The following PDE5A variants were observed in gnomAD, a reference collection of about 807,000 sequenced individuals.
PDE5A encodes the protein phosphodiesterase 5A, also known as cGMP-specific 3',5'-cyclic phosphodiesterase.
Under a neutral mutation model 110.2 loss-of-function variants are expected in PDE5A, and 67 were observed. The ratio of observed to expected loss-of-function variants is 0.61; its 90% CI spans 0.50 to 0.75. The LOEUF is 0.75. PDE5A is among the 30% of genes least tolerant of loss of function. The pLI is 0.00. For synonymous variants in PDE5A, 328 were observed against 351.2 expected (o/e 0.93, Z 0.74); for missense variants, 862 against 1,045.1 (o/e 0.82, Z 2.42).
rs1333516835 is a variant in PDE5A at position 119,519,094 on chromosome 4, G to A, written c.1951C>T (p.Leu651=). The A allele has an allele frequency of 1.2e-6, 2 of 1,613,770 alleles. No homozygotes were observed. The highest frequency in any genetic ancestry group is 2.2e-5 in the East Asian group (1 of 44,866). ...LEILALLIAA[L]SHDLDHRGVN... is the part of the protein sequence containing the mutation. ...CCACGGTGATCCAAATCGTGGCTTA[G>A]TGCAGCAATCAGCAATGCAAGTATC... The change falls in exon 14 of 21, where the codon CTA becomes TTA. Residue 651 remains leucine, a synonymous_variant. Transcript: ENST00000354960.
At chr4:119,579,495 A>T (rs1305653314) in intron 3 of PDE5A, among the ~76,000 whole-genome samples, 1 of 151,974 alleles carries the variant, frequency 6.6e-6, no homozygotes, top group African/African-American at 2.4e-5. Flanking sequence ...TACACCATGG[A>T]ATACTATGCA....
At chr4:119,543,580 G>A (rs1441994714) in intron 9 of PDE5A, among the ~76,000 whole-genome samples, 1 of 152,156 alleles carries the variant, frequency 6.6e-6, no homozygotes, top group Admixed American at 6.5e-5. Flanking sequence ...ATCTCAGAAA[G>A]TTACATCATT....
At position 119,498,453 on chromosome 4, in the gene PDE5A, A is replaced by G; in HGVS notation, c.*148T>C. The G allele has an allele frequency of 1.3e-6, 1 of 759,138 alleles. No individual in the cohort carries two copies. The highest frequency in any genetic ancestry group is 2.1e-6 in the Non-Finnish European group (1 of 473,874). 47.0% of individuals were successfully genotyped at this position (759,138 alleles called of 1,614,324 possible). On this transcript the variant is annotated 3_prime_UTR_variant, in exon 21 of 21. Coordinates refer to ENST00000354960, the MANE Select transcript of PDE5A (RefSeq NM_001083.4). ...ATAGTCCTCTAAAAACATTCATGCT[A>G]TACTCTCAAAAGTTGTGCAAAAATA...
chr4:119,627,234 T>C lies in PDE5A; in HGVS notation c.152+1286A>G, dbSNP rs939853234. The C allele has an allele frequency of 4.4e-6, 7 of 1,608,116 alleles. No homozygotes were observed. The highest frequency in any genetic ancestry group is 4.0e-5 in the African/African-American group (3 of 74,712). ...CGATCCTGGACTCCAGGAGGCTCCG[T>C]AGGGGCAACAACGCGCGCAGGTGAG... On this transcript the variant is annotated intron_variant, in intron 1 of 20. Transcript: ENST00000354960. This position sits in a 1 kb window ranked among gnomAD's most constrained non-coding sequence, Gnocchi z 4.6.
intron 3 of PDE5A, among the ~76,000 whole-genome samples, chr4:119,581,818 A>T (rs1338282897): frequency 6.6e-6 from 1 of 152,270 alleles, no homozygotes; most frequent in Non-Finnish European, 1.5e-5. Context: ...TTTAGACTAT[A>T]CTGTAATTTC....
chr4:119,579,031 T>C lies in PDE5A; in HGVS notation c.832-11887A>G, dbSNP rs888799550. 4.0e-3 allele frequency among the ~76,000 whole-genome samples: 609 copies of C among 152,008 alleles called. 12 individuals carry two copies. The East Asian group carries it at 0.046, about 12-fold the overall frequency. On this transcript the variant is annotated intron_variant, in intron 3 of 20. Transcript: ENST00000354960. ...ACCCCATCAAAAAGTGGGTGAAGGA[T>C]ATGAACAGACACTTCTCAAAAGAAG... is the stretch of plus-strand genomic sequence containing the variant.
At chr4:119,617,632 T>C (rs1383648251) in intron 1 of PDE5A, among the ~76,000 whole-genome samples, 3 of 152,130 alleles carry the variant, frequency 2.0e-5, no homozygotes, top group African/African-American at 4.8e-5. Flanking sequence ...CAAAGTAAAC[T>C]TTTGATATAA....
At position 119,498,500 on chromosome 4, in the gene PDE5A, A is replaced by G; in HGVS notation, c.*101T>C. 1 of 1,330,412 alleles carries G rather than the reference A, an allele frequency of 7.5e-7. No homozygotes were observed. 82.4% of individuals were successfully genotyped at this position (1,330,412 alleles called of 1,614,324 possible). On this transcript the variant is annotated 3_prime_UTR_variant, in exon 21 of 21. Transcript: ENST00000354960. ...AATAAAAATACAGCAGTGGCAAAGT[A>G]TATACCAAATACAGACACTATACAG...
chr4:119,547,942 C>G (rs1727190614), intron 9 of PDE5A, among the ~76,000 whole-genome samples: 1 of 151,506 alleles, frequency 6.6e-6, no homozygotes, highest in Non-Finnish European at 1.5e-5. Context: ...ATTAAATCCA[C>G]TTAATTTTTA....
At chr4:119,619,948 C>T (rs975353036) in intron 1 of PDE5A, among the ~76,000 whole-genome samples, 8 of 152,164 alleles carry the variant, frequency 5.3e-5, no homozygotes, top group Admixed American at 5.2e-4. Context: ...ACAGTGGCTC[C>T]TAATCAAGTA....
chr4:119,506,452 G>A (rs1214025146), intron 16 of PDE5A, among the ~76,000 whole-genome samples: 1 of 151,692 alleles, frequency 6.6e-6, no homozygotes, highest in Non-Finnish European at 1.5e-5. Context: ...ACCTCTTTAT[G>A]TGCCCAGTAT....
At chr4:119,565,184 C>A in intron 5 of PDE5A, 137 bp downstream of exon 5, 1 of 621,798 alleles carries the variant, frequency 1.6e-6, no homozygotes, top group Admixed American at 3.2e-5. Flanking sequence ...ATACAAATGA[C>A]TACTAGAAAA....
chr4:119,598,019 A>C (rs1413162442), intron 2 of PDE5A, among the ~76,000 whole-genome samples: 2 of 152,168 alleles, frequency 1.3e-5, no homozygotes, highest in Non-Finnish European at 2.9e-5. Flanking sequence ...TTTTATCTTT[A>C]GATATTGTCT....
intron 3 of PDE5A, among the ~76,000 whole-genome samples, chr4:119,589,372 C>T (rs1301000104): frequency 6.6e-6 from 1 of 152,010 alleles, no homozygotes; most frequent in Non-Finnish European, 1.5e-5. Flanking sequence ...CTCATCTTCA[C>T]TATGTCAGAA....
At chr4:119,563,382 TGTCAACATTA>T (rs796817479) in intron 5 of PDE5A, among the ~76,000 whole-genome samples, 1 of 152,326 alleles carries the variant, frequency 6.6e-6, no homozygotes, top group African/African-American at 2.4e-5. Flanking sequence ...GATCAACATT[TGTCAACATTA>T]TCAATATTTT....
At chr4:119,521,518 ATGT>A (rs1726127455) in intron 12 of PDE5A, among the ~76,000 whole-genome samples, 1 of 151,960 alleles carries the variant, frequency 6.6e-6, no homozygotes. Flanking sequence ...CCATGCTCTC[ATGT>A]TGTATATCCG....
At chr4:119,624,347 G>A (rs905897195) in intron 1 of PDE5A, among the ~76,000 whole-genome samples, 1 of 152,136 alleles carries the variant, frequency 6.6e-6, no homozygotes, top group South Asian at 2.1e-4. Flanking sequence ...TAATCTGATT[G>A]TATTGTAAAT....
intron 3 of PDE5A, among the ~76,000 whole-genome samples, chr4:119,589,951 C>G (rs892578068): frequency 1.3e-5 from 2 of 152,108 alleles, no homozygotes; most frequent in African/African-American, 4.8e-5. Context: ...CCAACAAAAT[C>G]AACAATAATT....
intron 1 of PDE5A, among the ~76,000 whole-genome samples, chr4:119,622,508 A>T: frequency 6.6e-6 from 1 of 152,250 alleles, no homozygotes; most frequent in East Asian, 1.9e-4. Flanking sequence ...AGATTAAAAA[A>T]TCTAACAATG....
Sources: allele counts gnomAD v4.1 joint callset (sites outside exome capture counted in the v4.1 genomes callset), GRCh38; gene constraint gnomAD v4.1.1; non-coding constraint Gnocchi (gnomAD v3.1); transcripts MANE v1.5; gene names NCBI Gene and HGNC (gene_info 2026-07-23, HGNC 2026-07-21).